CPQ: variants seen among roughly 807,000 people sequenced by gnomAD.
CPQ encodes carboxypeptidase Q, also known as Ser-Met dipeptidase.
In CPQ, 37 loss-of-function variants were observed where a neutral mutation model predicts 45.7. That is an observed-to-expected ratio of 0.81 (90% confidence interval 0.62 to 1.07). The LOEUF (loss-of-function observed/expected upper bound fraction) is 1.07. CPQ is among the 50% of genes least tolerant of loss of function. CPQ has a pLI of 0.00. For missense variants in CPQ, 537 were observed against 572.9 expected (o/e 0.94, Z 0.64); for synonymous variants, 186 against 205.8 (o/e 0.90, Z 0.82).
chr8:96,676,177 T>C (rs900073154), intron 1 of CPQ, among the ~76,000 whole-genome samples: 5 of 152,024 alleles, frequency 3.3e-5, no homozygotes, highest in Admixed American at 2.6e-4. Flanking sequence ...TTATTATTAC[T>C]ATGTCACCTT....
chr8:96,984,933 G>T (rs1396452893), intron 5 of CPQ, among the ~76,000 whole-genome samples: 2 of 152,056 alleles, frequency 1.3e-5, no homozygotes, highest in African/African-American at 2.4e-5. Context: ...CTTTCTCCTG[G>T]TTCAGTTACC....
chr8:96,803,104 G>C (rs553708987), intron 2 of CPQ, among the ~76,000 whole-genome samples: 1 of 152,220 alleles, frequency 6.6e-6, no homozygotes, highest in South Asian at 2.1e-4. Context: ...TAGTTTGAAG[G>C]ACTGAGAGCT....
rs1380921966 is a variant in CPQ at position 96,805,997 on chromosome 8, C to T, written c.433+20667C>T. On this transcript the variant is annotated intron_variant, in intron 2 of 7. Transcript: ENST00000220763. ...TGGCAATGGATCAGCCATAGGATTTCATAAGAGTGGCCATTAGAGCCCTTT... is the reference window on the plus strand; with the variant it reads ...TGGCAATGGATCAGCCATAGGATTTTATAAGAGTGGCCATTAGAGCCCTTT... 2.0e-5 allele frequency among the ~76,000 whole-genome samples: 3 copies of T among 152,118 alleles called. No homozygotes were observed. In the East Asian group the frequency reaches 5.8e-4, roughly 29 times the overall value.
chr8:96,671,758 A>G (rs1243676237), intron 1 of CPQ, among the ~76,000 whole-genome samples: 3 of 152,158 alleles, frequency 2.0e-5, no homozygotes, highest in Non-Finnish European at 4.4e-5. Context: ...CTTGGTTTGT[A>G]TTTATGGAAT....
intron 7 of CPQ, among the ~76,000 whole-genome samples, chr8:97,107,474 C>A (rs1422503601): frequency 6.6e-6 from 1 of 152,244 alleles, no homozygotes; most frequent in African/African-American, 2.4e-5. Context: ...AACAACGATC[C>A]CCTGAATATC....
At position 96,686,272 on chromosome 8, in the gene CPQ, G is replaced by C. The variant is rs926087231; in HGVS notation, c.-35+40870G>C. 1.3e-4 allele frequency among the ~76,000 whole-genome samples: 20 copies of C among 152,098 alleles called. 1 individual carries two copies. The highest frequency in any genetic ancestry group is 1.2e-3 in the Admixed American group (19 of 15,284). On this transcript the variant is annotated intron_variant, in intron 1 of 7. Coordinates refer to ENST00000220763, the MANE Select transcript of CPQ (RefSeq NM_016134.4). ...TAGACACTCTTGTCTTCAACTTATT[G>C]TTAATAAGAATACTAATAATAGAGT...
At chr8:97,115,966 C>G (rs1000064705) in intron 7 of CPQ, among the ~76,000 whole-genome samples, 2 of 151,814 alleles carry the variant, frequency 1.3e-5, no homozygotes, top group South Asian at 4.2e-4. Context: ...GTAATAAAGG[C>G]AAGGACACTT....
At position 97,124,258 on chromosome 8, in the gene CPQ, T is replaced by C. The variant is rs558755646; in HGVS notation, c.1256-18762T>C. On this transcript the variant is annotated intron_variant, in intron 7 of 7. Coordinates refer to ENST00000220763, the MANE Select transcript of CPQ (RefSeq NM_016134.4). Reference sequence around the variant, plus strand: ...AAAAAAAAAAAAAAAAAAAGTAAATTCATTCAATTACAAGCTTTGAAAACT... The same window carrying C: ...AAAAAAAAAAAAAAAAAAAGTAAATCCATTCAATTACAAGCTTTGAAAACT... Among the ~76,000 whole-genome samples, 7 of 142,948 alleles carry C rather than the reference T, an allele frequency of 4.9e-5. No individual in the cohort carries two copies. The South Asian group carries it at 1.1e-3, about 23-fold the overall frequency. 93.8% of individuals were successfully genotyped at this position (142,948 alleles called of 152,430 possible).
intron 4 of CPQ, among the ~76,000 whole-genome samples, chr8:96,922,418 G>A (rs573230841): frequency 1.3e-4 from 20 of 152,292 alleles, no homozygotes; most frequent in African/African-American, 4.1e-4. Flanking sequence ...CATGTGAATC[G>A]GACAGTGGGA....
intron 6 of CPQ, chr8:97,056,347 G>C (rs1437984029): frequency 1.3e-5 from 2 of 152,144 alleles, no homozygotes; most frequent in African/African-American, 4.8e-5. Flanking sequence ...CAGTAAGTGT[G>C]ATAGAGAAAA....
At chr8:96,816,841 G>A (rs1242438990) in intron 2 of CPQ, among the ~76,000 whole-genome samples, 1 of 152,008 alleles carries the variant, frequency 6.6e-6, no homozygotes, top group Non-Finnish European at 1.5e-5. Flanking sequence ...TCTCAAGAGT[G>A]GGCTTAAAAT....
intron 4 of CPQ, among the ~76,000 whole-genome samples, chr8:96,890,360 A>G (rs1315879503): frequency 1.3e-5 from 2 of 152,128 alleles, no homozygotes; most frequent in African/African-American, 2.4e-5. Flanking sequence ...ACCTTTTTCT[A>G]CTACCTATTC....
At chr8:96,888,483 A>G (rs1812331956) in intron 4 of CPQ, among the ~76,000 whole-genome samples, 1 of 152,224 alleles carries the variant, frequency 6.6e-6, no homozygotes, top group Admixed American at 6.5e-5. Context: ...AATTCTGTGT[A>G]CTGTTAAATA....
At chr8:96,990,644 A>G (rs776066633) in intron 5 of CPQ, among the ~76,000 whole-genome samples, 2 of 152,204 alleles carry the variant, frequency 1.3e-5, no homozygotes, top group African/African-American at 4.8e-5. Flanking sequence ...GAGACAGTAC[A>G]AACAAGAGAT....
intron 2 of CPQ, among the ~76,000 whole-genome samples, chr8:96,816,003 G>A (rs893015911): frequency 2.0e-5 from 3 of 152,148 alleles, no homozygotes; most frequent in Non-Finnish European, 4.4e-5. Context: ...GATGAGGGTG[G>A]TGGTTGCTGA....
chr8:97,094,770 T>C (rs953726980), intron 7 of CPQ, among the ~76,000 whole-genome samples: 7 of 152,110 alleles, frequency 4.6e-5, no homozygotes, highest in Non-Finnish European at 8.8e-5. Flanking sequence ...TATATATATA[T>C]ACAGCTTTAC....
chr8:97,012,383 T>G (rs1420324812), intron 5 of CPQ, among the ~76,000 whole-genome samples: 1 of 152,190 alleles, frequency 6.6e-6, no homozygotes, highest in Non-Finnish European at 1.5e-5. Context: ...ATGTTGAAAT[T>G]TAAATGTTGG....
intron 4 of CPQ, among the ~76,000 whole-genome samples, chr8:96,880,346 G>A (rs977561290): frequency 5.9e-5 from 9 of 151,696 alleles, no homozygotes; most frequent in East Asian, 1.9e-4. Flanking sequence ...CAGAATTAGC[G>A]TTTGACCCAG....
At chr8:96,747,109 G>T (rs1405899264) in intron 1 of CPQ, among the ~76,000 whole-genome samples, 1 of 152,036 alleles carries the variant, frequency 6.6e-6, no homozygotes, top group Non-Finnish European at 1.5e-5. Context: ...TGGCCAACAT[G>T]TTGAAACGCT....
Sources: allele counts gnomAD v4.1 joint callset (sites outside exome capture counted in the v4.1 genomes callset), GRCh38; gene constraint gnomAD v4.1.1; transcripts MANE v1.5; gene names NCBI Gene and HGNC (gene_info 2026-07-23, HGNC 2026-07-21).